The following ALOX5AP variants were observed in gnomAD, a reference collection of about 807,000 sequenced individuals.
ALOX5AP encodes the protein arachidonate 5-lipoxygenase-activating protein.
Under a neutral mutation model 18.5 loss-of-function variants are expected in ALOX5AP, and 9 were observed. The ratio of observed to expected loss-of-function variants is 0.49; its 90% CI spans 0.29 to 0.85. The LOEUF (loss-of-function observed/expected upper bound fraction) is 0.85. Among genes scored for constraint, ALOX5AP ranks in the 40% least tolerant of loss-of-function variants. The pLI is 0.08. For synonymous variants in ALOX5AP, 81 were observed against 78.6 expected, an observed-to-expected ratio of 1.03 and a Z score of -0.16; for missense variants, 172 against 202.5, an observed-to-expected ratio of 0.85 and a Z score of 0.91.
At chr13:30,743,457 T>C (rs1030428436) in intron 1 of ALOX5AP, among the ~76,000 whole-genome samples, 2 of 151,816 alleles carry the variant, frequency 1.3e-5, no homozygotes, top group Middle Eastern at 3.2e-3. Context: ...GAAAGAATGA[T>C]TCATCACCTC....
In ALOX5AP at chr13:30,752,104, G is replaced by GGGCTACTTT. The variant is rs1566087657; in HGVS notation, c.225_233dup (p.Leu77_Cys78insTrpLeuLeu). The GGGCTACTTT allele has an allele frequency of 6.2e-7, 1 of 1,614,098 alleles. No homozygotes were observed. Among genetic ancestry groups the GGGCTACTTT allele is most frequent in the South Asian group, 1.1e-5 (1 of 91,078 alleles). On this transcript the variant is annotated inframe_insertion, in exon 3 of 5. Transcript: ENST00000380490. Reference sequence around the variant, plus strand: ...TTTCCTCGCTGTGCTCTGGTCTGCGGGGCTACTTTGCAGCCAAGGTAACTC... The same window carrying GGGCTACTTT: ...TTTCCTCGCTGTGCTCTGGTCTGCGGGGCTACTTTGGCTACTTTGCAGCCAAGGTAACTC...
At chr13:30,748,332 TTTAC>T (rs1245713103) in intron 2 of ALOX5AP, among the ~76,000 whole-genome samples, 3 of 152,190 alleles carry the variant, frequency 2.0e-5, no homozygotes, top group African/African-American at 7.2e-5. Flanking sequence ...ATTAATTATA[TTTAC>T]TTACTTTAAA....
chr13:30,743,387 T>C (rs1488574395), intron 1 of ALOX5AP, among the ~76,000 whole-genome samples: 1 of 152,144 alleles, frequency 6.6e-6, no homozygotes, highest in East Asian at 1.9e-4. Context: ...CTCTTTGTTT[T>C]GTTCTTGGAT....
In ALOX5AP at chr13:30,728,628, G is replaced by A. The variant is rs574184257; in HGVS notation, c.117-6923G>A. Among the ~76,000 whole-genome samples the A allele has an allele frequency of 5.3e-5, 8 of 152,274 alleles. No homozygotes were observed. In the South Asian group the frequency reaches 1.7e-3, roughly 32 times the overall value. ...CTTTTAAGAAACTGCCAACTTGGGG[G>A]AATTGCTTGAGGCCAGGAGTTCAAA... On this transcript the variant is annotated intron_variant, in intron 1 of 5. Coordinates refer to the ALOX5AP transcript ENST00000617770.
intron 1 of ALOX5AP, among the ~76,000 whole-genome samples, chr13:30,728,830 A>C (rs1388498285): frequency 6.6e-6 from 1 of 152,228 alleles, no homozygotes; most frequent in Non-Finnish European, 1.5e-5. Flanking sequence ...CCTGGGTGAC[A>C]GAGTGAGAAA....
intron 1 of ALOX5AP, among the ~76,000 whole-genome samples, chr13:30,727,470 C>A (rs1011791271): frequency 6.6e-6 from 1 of 152,190 alleles, no homozygotes; most frequent in African/African-American, 2.4e-5. Context: ...CATGTTTCCC[C>A]AAATTCACTT....
chr13:30,722,907 G>A (rs548586995), intron 1 of ALOX5AP, among the ~76,000 whole-genome samples: 1 of 152,212 alleles, frequency 6.6e-6, no homozygotes, highest in African/African-American at 2.4e-5. Flanking sequence ...TTCTCCTTTT[G>A]CCATAAGTGG....
At chr13:30,761,771 A>G (rs917245668) in intron 4 of ALOX5AP, among the ~76,000 whole-genome samples, 2 of 152,150 alleles carry the variant, frequency 1.3e-5, no homozygotes, top group Non-Finnish European at 2.9e-5. Context: ...CTCACTGAGC[A>G]TGTCTGTGTC....
chr13:30,729,999 G>A (rs544416948), intron 1 of ALOX5AP, among the ~76,000 whole-genome samples: 53 of 152,350 alleles, frequency 3.5e-4, no homozygotes, highest in African/African-American at 1.2e-3. Context: ...ATGGGAAAAG[G>A]AAGAAGTTTT....
chr13:30,760,874 C>T (rs1228453854), intron 4 of ALOX5AP, among the ~76,000 whole-genome samples: 1 of 151,934 alleles, frequency 6.6e-6, no homozygotes. Flanking sequence ...CTTTTAGAAA[C>T]AATGAAAGAT....
upstream of ALOX5AP, among the ~76,000 whole-genome samples, chr13:30,735,168 G>T (rs900642789): frequency 1.3e-5 from 2 of 152,118 alleles, no homozygotes; most frequent in Admixed American, 1.3e-4. Context: ...ATGCCACTCT[G>T]TCTGACCTGA....
chr13:30,714,854 T>C (rs952855913), intron 1 of ALOX5AP, among the ~76,000 whole-genome samples: 7 of 152,168 alleles, frequency 4.6e-5, no homozygotes, highest in African/African-American at 1.7e-4. Context: ...CTTGCCACAG[T>C]GTTCATTTTC....
At chr13:30,716,449 C>T (rs1050414000) in intron 1 of ALOX5AP, among the ~76,000 whole-genome samples, 1 of 152,208 alleles carries the variant, frequency 6.6e-6, no homozygotes, top group Admixed American at 6.5e-5. Context: ...GATCAGGCCG[C>T]ACTTGGACCT....
chr13:30,759,397 C>T (rs982646457), intron 4 of ALOX5AP, among the ~76,000 whole-genome samples: 1 of 152,176 alleles, frequency 6.6e-6, no homozygotes, highest in Non-Finnish European at 1.5e-5. Flanking sequence ...TCCTCCTCCT[C>T]CTGAGTTGCT....
intron 1 of ALOX5AP, among the ~76,000 whole-genome samples, chr13:30,715,675 T>C (rs909145099): frequency 3.3e-5 from 5 of 152,326 alleles, no homozygotes; most frequent in South Asian, 4.1e-4. Context: ...CACATTCGTG[T>C]TGGGGCGGTC....
At chr13:30,757,639 C>G (rs1951907448) in intron 4 of ALOX5AP, among the ~76,000 whole-genome samples, 1 of 152,124 alleles carries the variant, frequency 6.6e-6, no homozygotes, top group South Asian at 2.1e-4. Context: ...TGCAAAGTCC[C>G]AGGGATGTGG....
chr13:30,763,332 A>C (rs573969898), intron 4 of ALOX5AP, among the ~76,000 whole-genome samples: 2 of 152,200 alleles, frequency 1.3e-5, no homozygotes, highest in African/African-American at 4.8e-5. Context: ...AAACAACAAC[A>C]ATAACAACAA....
upstream of ALOX5AP, among the ~76,000 whole-genome samples, chr13:30,731,415 C>T (rs1951679854): frequency 6.6e-6 from 1 of 151,710 alleles, no homozygotes; most frequent in Non-Finnish European, 1.5e-5. Context: ...CCTCTCTTGC[C>T]CAGGCTGTAA....
chr13:30,720,044 T>G (rs551551158), intron 1 of ALOX5AP, among the ~76,000 whole-genome samples: 121 of 152,264 alleles, frequency 7.9e-4, no homozygotes, highest in African/African-American at 2.7e-3. Context: ...GTATTTTTAG[T>G]AGAGACGGGG....
Sources: allele counts gnomAD v4.1 joint callset (sites outside exome capture counted in the v4.1 genomes callset), GRCh38; gene constraint gnomAD v4.1.1; transcripts MANE v1.5; gene names NCBI Gene and HGNC (gene_info 2026-07-23, HGNC 2026-07-21).